Variants in ANKS1B observed in about 807,000 individuals in gnomAD.
ANKS1B encodes the protein ankyrin repeat and sterile alpha motif domain-containing protein 1B.
Under a neutral mutation model 148.3 loss-of-function variants are expected in ANKS1B, and 36 were observed. The observed-to-expected ratio is 0.24, with a 90% CI of 0.19 to 0.32. The LOEUF is 0.32. Ranked by LOEUF, ANKS1B falls within the 10% of genes least tolerant of loss-of-function variation. The pLI is 1.00. For missense variants in ANKS1B, 1,157 were observed against 1,542.6 expected (o/e 0.75, Z 4.19); for synonymous variants, 542 against 560.8 (o/e 0.97, Z 0.47).
At chr12:99,158,515 T>C (rs1387658386) in intron 14 of ANKS1B, among the ~76,000 whole-genome samples, 1 of 152,142 alleles carries the variant, frequency 6.6e-6, no homozygotes, top group East Asian at 1.9e-4. Context: ...ATAATGGCAG[T>C]GTGAGGAGCT....
rs1447275364 is a variant in ANKS1B, at chr12:98,962,581, A to G, written c.2778+90576T>C. On this transcript the variant is annotated intron_variant, in intron 17 of 26. Transcript: ENST00000683438. ...AAAGAAATATCAGATGTAATCTGCAATACAGACCAAATGCCCTTAATAGAT... is the reference window on the plus strand; with the variant it reads ...AAAGAAATATCAGATGTAATCTGCAGTACAGACCAAATGCCCTTAATAGAT... Among the ~76,000 whole-genome samples, 3 of 152,086 alleles carry G rather than the reference A, an allele frequency of 2.0e-5. No individual in the cohort carries two copies. The East Asian group carries it at 5.8e-4, about 29-fold the overall frequency.
downstream of ANKS1B, among the ~76,000 whole-genome samples, chr12:98,739,109 C>T (rs571963988): frequency 6.6e-6 from 1 of 152,232 alleles, no homozygotes; most frequent in South Asian, 2.1e-4. Context: ...CAGGGCCCCA[C>T]AGCCAAGTGG....
In ANKS1B at chr12:98,744,630, CTT is replaced by C; in HGVS notation, c.*1107_*1108del. 2.4e-6 allele frequency: 2 copies of C among 827,698 alleles called. No individual in the cohort carries two copies. Among genetic ancestry groups the C allele is most frequent in the Non-Finnish European group, 1.5e-6 (1 of 689,082 alleles). The allele number at this position is 827,698 out of a possible 1,614,324, so 51.3% of individuals were successfully genotyped here. On this transcript the variant is annotated 3_prime_UTR_variant, in exon 27 of 27. Transcript: ENST00000683438. ...TTTATTTAATCAAATAGTAAGCAAACTTTTTTTTTGTTTGTCTCAAGAAAAGT... is the reference window on the plus strand; with the variant it reads ...TTTATTTAATCAAATAGTAAGCAAACTTTTTTTGTTTGTCTCAAGAAAAGT...
intron 1 of ANKS1B, among the ~76,000 whole-genome samples, chr12:99,964,888 AG>A (rs2095466094): frequency 6.6e-6 from 1 of 152,278 alleles, no homozygotes; most frequent in Non-Finnish European, 1.5e-5. Flanking sequence ...AACAGAAGGG[AG>A]GGGACGATAG....
At chr12:99,684,015 G>GA (rs1414045958) in intron 8 of ANKS1B, among the ~76,000 whole-genome samples, 1 of 151,974 alleles carries the variant, frequency 6.6e-6, no homozygotes, top group Non-Finnish European at 1.5e-5. Context: ...ACTGAATGGG[G>GA]AAAAAGTGAG....
At chr12:98,743,939 G>C, downstream of ANKS1B, 1 of 920,390 alleles carries the variant, frequency 1.1e-6, no homozygotes. Context: ...AAATGGGAGT[G>C]GGGAAGGTGC....
intron 12 of ANKS1B, among the ~76,000 whole-genome samples, chr12:99,283,874 T>G (rs1008838162): frequency 6.6e-6 from 1 of 152,208 alleles, no homozygotes; most frequent in Admixed American, 6.6e-5. Context: ...AATCTCCTGC[T>G]TTTATTTCAT....
At chr12:99,105,119 G>A (rs779601549) in intron 15 of ANKS1B, 19 of 152,216 alleles carry the variant, frequency 1.2e-4, no homozygotes, top group Non-Finnish European at 2.4e-4. Flanking sequence ...AATAATGGGA[G>A]ACCATCTAGA....
chr12:98,911,957 C>T (rs899526910), intron 17 of ANKS1B, among the ~76,000 whole-genome samples: 10 of 152,166 alleles, frequency 6.6e-5, no homozygotes, highest in African/African-American at 2.2e-4. Flanking sequence ...GGACTCTCTG[C>T]CCTTAGCATC....
chr12:99,143,321 T>C (rs777654543), intron 15 of ANKS1B, among the ~76,000 whole-genome samples: 1 of 152,144 alleles, frequency 6.6e-6, no homozygotes, highest in Non-Finnish European at 1.5e-5. Context: ...CTGTAATTTG[T>C]AAGTAGAGTT....
intron 8 of ANKS1B, among the ~76,000 whole-genome samples, chr12:99,688,464 C>T (rs917822456): frequency 2.6e-5 from 4 of 152,284 alleles, no homozygotes; most frequent in African/African-American, 9.6e-5. Flanking sequence ...TTTTCTAGTT[C>T]TTTACAGTGG....
At chr12:98,946,313 T>C (rs991853878) in intron 17 of ANKS1B, among the ~76,000 whole-genome samples, 1 of 152,216 alleles carries the variant, frequency 6.6e-6, no homozygotes, top group Non-Finnish European at 1.5e-5. Flanking sequence ...TCCTTCCCTA[T>C]CCCTGCACTC....
chr12:99,140,844 C>T (rs1426890252), intron 15 of ANKS1B, among the ~76,000 whole-genome samples: 1 of 152,118 alleles, frequency 6.6e-6, no homozygotes, highest in East Asian at 1.9e-4. Context: ...CTAGTAAACT[C>T]TCCTTCCCAC....
intron 17 of ANKS1B, among the ~76,000 whole-genome samples, chr12:98,842,131 A>G (rs977135723): frequency 1.3e-5 from 2 of 152,248 alleles, no homozygotes; most frequent in African/African-American, 4.8e-5. Context: ...TGAATGTTTA[A>G]GCAACATTAT....
chr12:99,229,097 C>T (rs1296283469), intron 14 of ANKS1B, among the ~76,000 whole-genome samples: 2 of 151,852 alleles, frequency 1.3e-5, no homozygotes, highest in African/African-American at 2.4e-5. Flanking sequence ...CACTGATAAT[C>T]TTACTCAGAG....
intron 9 of ANKS1B, among the ~76,000 whole-genome samples, chr12:99,652,073 G>GCA (rs1555529553): frequency 1.3e-5 from 2 of 148,894 alleles, no homozygotes; most frequent in African/African-American, 4.9e-5. Flanking sequence ...GTTTACATGT[G>GCA]TATATATATA....
intron 1 of ANKS1B, among the ~76,000 whole-genome samples, chr12:99,900,830 T>A (rs917839939): frequency 2.0e-5 from 3 of 152,220 alleles, no homozygotes; most frequent in African/African-American, 4.8e-5. Context: ...AATGTTCAGT[T>A]AATGTTTGAC....
chr12:99,682,356 T>C (rs1033867703), intron 8 of ANKS1B, among the ~76,000 whole-genome samples: 2 of 152,190 alleles, frequency 1.3e-5, no homozygotes, highest in Non-Finnish European at 2.9e-5. Context: ...AGACCATATA[T>C]GATAGGCCAC....
chr12:99,250,999 C>T (rs1193519645), intron 12 of ANKS1B, among the ~76,000 whole-genome samples: 1 of 152,096 alleles, frequency 6.6e-6, no homozygotes, highest in Non-Finnish European at 1.5e-5. Context: ...TTTTCTGGTT[C>T]ATAGAGGGCA....
Sources: gnomAD v4.1 joint callset for allele counts (sites outside exome capture counted in the v4.1 genomes callset) on GRCh38, gnomAD v4.1.1 for gene constraint, MANE v1.5 for transcripts, NCBI Gene and HGNC (gene_info 2026-07-23, HGNC 2026-07-21) for gene names.